The following MAST4 variants were observed in gnomAD, a reference collection of about 807,000 sequenced individuals.
The protein encoded by MAST4 is microtubule-associated serine/threonine-protein kinase 4.
In MAST4, 89 loss-of-function variants were observed where a neutral mutation model predicts 162.7. That is an observed-to-expected ratio of 0.55 (90% confidence interval 0.46 to 0.65). The LOEUF is 0.65. Among genes scored for constraint, MAST4 ranks in the 30% least tolerant of loss-of-function variants. MAST4 has a pLI of 0.00. For synonymous variants in MAST4, 1,479 were observed against 1,361.1 expected (o/e 1.09, Z -1.91); for missense variants, 3,153 against 3,374.0 (o/e 0.93, Z 1.62).
intron 3 of MAST4, among the ~76,000 whole-genome samples, chr5:66,812,608 C>T (rs1248101092): frequency 6.6e-6 from 1 of 152,178 alleles, no homozygotes; most frequent in Non-Finnish European, 1.5e-5. Flanking sequence ...ATGCTTGCAT[C>T]GTGTGAAGTG....
At chr5:67,035,609 G>A (rs1561558729) in intron 4 of MAST4, among the ~76,000 whole-genome samples, 1 of 152,142 alleles carries the variant, frequency 6.6e-6, no homozygotes, top group Non-Finnish European at 1.5e-5. Context: ...GATGTTGCCT[G>A]TTTTAAACTG....
At chr5:66,860,762 A>C (rs1161583629) in intron 3 of MAST4, among the ~76,000 whole-genome samples, 3 of 114,674 alleles carry the variant, frequency 2.6e-5, no homozygotes, top group Admixed American at 1.7e-4. Flanking sequence ...AACTTAAAAA[A>C]ACAAAACCAA....
chr5:67,074,156 C>T (rs1038094634), intron 5 of MAST4, among the ~76,000 whole-genome samples: 5 of 151,546 alleles, frequency 3.3e-5, no homozygotes, highest in African/African-American at 7.3e-5. Context: ...AGGACATGAA[C>T]GGACATCTCA....
At chr5:67,066,081 C>CA (rs1760192560) in intron 5 of MAST4, among the ~76,000 whole-genome samples, 1 of 151,842 alleles carries the variant, frequency 6.6e-6, no homozygotes, top group Admixed American at 6.6e-5. Context: ...AATACAAAAA[C>CA]AGTCATATAG....
At chr5:66,748,528 C>T (rs992540593) in intron 1 of MAST4, among the ~76,000 whole-genome samples, 11 of 150,118 alleles carry the variant, frequency 7.3e-5, no homozygotes, top group Admixed American at 2.7e-4. Context: ...CTCACTCTGT[C>T]GCCAGGCTGG....
At chr5:66,901,490 T>C (rs1167680304) in intron 4 of MAST4, among the ~76,000 whole-genome samples, 1 of 152,140 alleles carries the variant, frequency 6.6e-6, no homozygotes, top group East Asian at 1.9e-4. Flanking sequence ...AAGGAAAGTA[T>C]TTAAGTTTCT....
chr5:66,659,502 T>G (rs1029145100), intron 1 of MAST4, among the ~76,000 whole-genome samples: 3 of 152,252 alleles, frequency 2.0e-5, no homozygotes, highest in Non-Finnish European at 2.9e-5. Flanking sequence ...TTTAAAAGAT[T>G]TGTAGGCCAA....
At chr5:67,097,168 G>A (rs1449270745) in intron 7 of MAST4, among the ~76,000 whole-genome samples, 1 of 152,026 alleles carries the variant, frequency 6.6e-6, no homozygotes, top group Non-Finnish European at 1.5e-5. Context: ...TCCATCTTTA[G>A]TAAGTCATTC....
chr5:67,107,250 A>G (rs975204874), intron 10 of MAST4, among the ~76,000 whole-genome samples: 2 of 152,124 alleles, frequency 1.3e-5, no homozygotes, highest in Non-Finnish European at 2.9e-5. Flanking sequence ...GAAATCCCCT[A>G]CTTAATTTTG....
chr5:66,737,321 G>A (rs1752212812), intron 1 of MAST4, among the ~76,000 whole-genome samples: 1 of 152,192 alleles, frequency 6.6e-6, no homozygotes, highest in African/African-American at 2.4e-5. Context: ...TTGGGCTGCT[G>A]AGTGTCCTTG....
At chr5:67,087,257 C>T (rs1456159375) in intron 5 of MAST4, among the ~76,000 whole-genome samples, 3 of 152,132 alleles carry the variant, frequency 2.0e-5, no homozygotes, top group Non-Finnish European at 4.4e-5. Flanking sequence ...CTTTTTCACT[C>T]GTTTCTAATC....
chr5:67,075,429 GC>G (rs1317144113), intron 5 of MAST4, among the ~76,000 whole-genome samples: 1 of 151,954 alleles, frequency 6.6e-6, no homozygotes, highest in Admixed American at 6.6e-5. Flanking sequence ...ACTGACCTCA[GC>G]CTCCCAAAGT....
intron 4 of MAST4, among the ~76,000 whole-genome samples, chr5:66,902,035 T>G (rs1052923174): frequency 6.6e-6 from 1 of 152,170 alleles, no homozygotes; most frequent in Non-Finnish European, 1.5e-5. Flanking sequence ...ACCTGAGAAT[T>G]AAACCTGTTA....
At chr5:66,685,594 A>T (rs1748605324) in intron 1 of MAST4, among the ~76,000 whole-genome samples, 1 of 152,178 alleles carries the variant, frequency 6.6e-6, no homozygotes, top group Admixed American at 6.5e-5. Context: ...TCCCCCACAG[A>T]ATGGTAGTGA....
intron 3 of MAST4, among the ~76,000 whole-genome samples, chr5:66,888,463 T>C (rs1435247691): frequency 6.6e-6 from 1 of 152,196 alleles, no homozygotes; most frequent in Non-Finnish European, 1.5e-5. Flanking sequence ...CTGTAGTAAA[T>C]AAAAATGATT....
At chr5:66,997,433 C>CT (rs35005578) in intron 4 of MAST4, among the ~76,000 whole-genome samples, 3,804 of 134,944 alleles carry the variant, frequency 0.028, 64 homozygotes, top group South Asian at 0.062. Context: ...TTTCTTTTCT[C>CT]TTTTTTTTTT....
chr5:67,133,022 G>A lies in MAST4; in HGVS notation c.2094-492G>A, dbSNP rs181118784. On this transcript the variant is annotated intron_variant, in intron 16 of 28. Transcript: ENST00000403625. ...TATTTAATTGCAGATTCTTTGCATG[G>A]GTAAGAAATATAGGTTTTGTGCTTA... Among the ~76,000 whole-genome samples the A allele has an allele frequency of 1.8e-4, 28 of 151,916 alleles. No homozygotes were observed. The East Asian group carries it at 5.4e-3, about 29-fold the overall frequency.
chr5:67,166,104 C>T lies in MAST4; in HGVS notation c.6925C>T (p.His2309Tyr). 1 of 1,611,298 alleles carries T rather than the reference C, an allele frequency of 6.2e-7. No individual in the cohort carries two copies. The highest frequency in any genetic ancestry group is 8.5e-7 in the Non-Finnish European group (1 of 1,178,660). ...EKPVHLPRPG[H>Y]PGPSEPADQK... The stretch of plus-strand genomic sequence containing the variant: ...GCCTGTGCATTTGCCAAGGCCGGGA[C>T]ACCCAGGGCCTAGTGAGCCAGCGGA... The change falls in exon 29 of 29, where the codon CAC becomes TAC. Residue 2309 changes from histidine to tyrosine, a missense_variant. His to Tyr is a moderately conservative substitution (Grantham distance 83). Transcript: ENST00000403625.
chr5:66,913,035 T>C (rs576418534), intron 4 of MAST4, among the ~76,000 whole-genome samples: 1 of 152,352 alleles, frequency 6.6e-6, no homozygotes, highest in South Asian at 2.1e-4. Context: ...CCAAGTAGCA[T>C]GAACCAGTTT....
Sources: allele counts gnomAD v4.1 joint callset (sites outside exome capture counted in the v4.1 genomes callset), GRCh38; gene constraint gnomAD v4.1.1; transcripts MANE v1.5; gene names NCBI Gene and HGNC (gene_info 2026-07-23, HGNC 2026-07-21).